Variants in CFAP20DC observed in about 807,000 individuals in gnomAD.
CFAP20DC encodes CFAP20 domain containing, also known as protein CFAP20DC.
In CFAP20DC, 84 loss-of-function variants were observed where a neutral mutation model predicts 101.7. The ratio of observed to expected loss-of-function variants is 0.83; its 90% confidence interval spans 0.69 to 0.99. CFAP20DC has a LOEUF of 0.99. CFAP20DC is among the 50% of genes least tolerant of loss of function. The pLI, the probability that CFAP20DC is intolerant of heterozygous loss-of-function variation, is 0.00. For synonymous variants in CFAP20DC, 359 were observed against 351.2 expected (o/e 1.02, Z -0.25); for missense variants, 1,007 against 970.3 (o/e 1.04, Z -0.50).
chr3:58,778,430 G>A (rs1189488783), intron 15 of CFAP20DC, among the ~76,000 whole-genome samples: 1 of 152,142 alleles, frequency 6.6e-6, no homozygotes, highest in Non-Finnish European at 1.5e-5. Context: ...ACAACAGCTG[G>A]CACCCACCTG....
At chr3:59,023,706 G>T (rs2093844253) in intron 4 of CFAP20DC, among the ~76,000 whole-genome samples, 1 of 152,070 alleles carries the variant, frequency 6.6e-6, no homozygotes, top group Admixed American at 6.6e-5. Flanking sequence ...CTTGGGCTAA[G>T]ACCAATATCT....
intron 6 of CFAP20DC, among the ~76,000 whole-genome samples, chr3:58,898,470 T>C (rs2082860796): frequency 6.6e-6 from 1 of 152,236 alleles, no homozygotes; most frequent in Non-Finnish European, 1.5e-5. Flanking sequence ...CCACTGTAAC[T>C]GGCCTGCTAT....
chr3:58,776,121 CT>C (rs2071317453), intron 15 of CFAP20DC, among the ~76,000 whole-genome samples: 1 of 152,122 alleles, frequency 6.6e-6, no homozygotes, highest in African/African-American at 2.4e-5. Context: ...CTAAGCCTCC[CT>C]TAACTCCCAA....
chr3:59,040,153 T>A (rs553460601), intron 3 of CFAP20DC, among the ~76,000 whole-genome samples: 42 of 152,210 alleles, frequency 2.8e-4, no homozygotes, highest in African/African-American at 9.9e-4. Flanking sequence ...GTGTCCACAA[T>A]GAGATGAATA....
chr3:58,996,897 G>A (rs1292273243), intron 4 of CFAP20DC, among the ~76,000 whole-genome samples: 4 of 152,318 alleles, frequency 2.6e-5, no homozygotes, highest in South Asian at 2.1e-4. Context: ...AGCGCACACC[G>A]GGGTGGAGCC....
chr3:58,957,987 T>C (rs77152394), intron 4 of CFAP20DC, among the ~76,000 whole-genome samples: 1 of 152,278 alleles, frequency 6.6e-6, no homozygotes, highest in East Asian at 1.9e-4. Context: ...ATTTAAAAAC[T>C]AAAAGTATAA....
intron 15 of CFAP20DC, among the ~76,000 whole-genome samples, chr3:58,777,946 A>T (rs1575613846): frequency 6.6e-6 from 1 of 152,110 alleles, no homozygotes; most frequent in Non-Finnish European, 1.5e-5. Flanking sequence ...CCCTCACTAA[A>T]CTGTGTCCTA....
At chr3:59,005,887 T>C (rs998850054) in intron 4 of CFAP20DC, among the ~76,000 whole-genome samples, 1 of 152,182 alleles carries the variant, frequency 6.6e-6, no homozygotes, top group Non-Finnish European at 1.5e-5. Flanking sequence ...TTACAAAATA[T>C]CCTAGATACA....
intron 4 of CFAP20DC, among the ~76,000 whole-genome samples, chr3:59,038,205 A>G (rs191289286): frequency 2.2e-4 from 34 of 152,212 alleles, no homozygotes; most frequent in African/African-American, 8.2e-4. Flanking sequence ...GGGTGCAGCG[A>G]ACCACCATGG....
intron 3 of CFAP20DC, among the ~76,000 whole-genome samples, chr3:59,042,718 T>C (rs867979008): frequency 5.9e-5 from 9 of 152,274 alleles, no homozygotes; most frequent in Middle Eastern, 6.8e-3. Context: ...GGCTGCTAAT[T>C]TGACAATAGA....
At chr3:58,750,125 C>T (rs909514549) in intron 16 of CFAP20DC, among the ~76,000 whole-genome samples, 3 of 152,142 alleles carry the variant, frequency 2.0e-5, no homozygotes, top group Non-Finnish European at 2.9e-5. Context: ...TCTGGCTGAG[C>T]AGAAACTGGC....
chr3:58,961,060 A>G lies in CFAP20DC; in HGVS notation c.279-23298T>C, dbSNP rs375818664. ...ATACTACGTTAATTAATTTTTGGAT[A>G]TAGACCCAACCTTTCATTACTGGGA... On this transcript the variant is annotated intron_variant, in intron 4 of 16. Transcript: ENST00000482387. 6.6e-5 allele frequency among the ~76,000 whole-genome samples: 10 copies of G among 152,358 alleles called. No individual in the cohort carries two copies. The East Asian group carries it at 1.9e-3, about 29-fold the overall frequency.
chr3:59,011,859 A>T (rs1252073956), intron 4 of CFAP20DC, among the ~76,000 whole-genome samples: 1 of 152,222 alleles, frequency 6.6e-6, no homozygotes, highest in Non-Finnish European at 1.5e-5. Context: ...CATCACCAGC[A>T]GCATTTCTTT....
chr3:58,834,365 G>T (rs987884490), intron 13 of CFAP20DC, among the ~76,000 whole-genome samples: 1 of 152,006 alleles, frequency 6.6e-6, no homozygotes, highest in Non-Finnish European at 1.5e-5. Context: ...TATGTTAGTT[G>T]GCTCATCATT....
rs887695512 is a variant in CFAP20DC at position 58,867,878 on chromosome 3, A to G, written c.1074T>C (p.Asn358=). ...TTAACCGTAATCTTCTTCTGTTATT[A>G]TTCTTATCTGCTGATGGTTCTTGAG... ...HPPQEPSADK[N]NNRRRLRLKS... is the part of the protein sequence containing the mutation. The change falls in exon 10 of 17, where the codon AAT becomes AAC. Residue 358 remains asparagine (N), a synonymous_variant. Transcript: ENST00000482387. 1 of 1,613,610 alleles carries G rather than the reference A, an allele frequency of 6.2e-7. No individual in the cohort carries two copies. The highest frequency in any genetic ancestry group is 2.2e-5 in the East Asian group (1 of 44,850).
At chr3:58,808,513 C>T (rs1396817888) in intron 14 of CFAP20DC, among the ~76,000 whole-genome samples, 2 of 152,158 alleles carry the variant, frequency 1.3e-5, no homozygotes, top group Non-Finnish European at 2.9e-5. Context: ...CAAGCAAATG[C>T]TGAGACATTT....
chr3:58,881,588 G>C (rs1410768430), intron 7 of CFAP20DC, among the ~76,000 whole-genome samples: 3 of 152,138 alleles, frequency 2.0e-5, no homozygotes, highest in Non-Finnish European at 1.5e-5. Flanking sequence ...ATAGTTACAA[G>C]TTTTAAGGTT....
At chr3:59,016,017 G>A (rs1022384002) in intron 4 of CFAP20DC, among the ~76,000 whole-genome samples, 1 of 152,064 alleles carries the variant, frequency 6.6e-6, no homozygotes, top group Non-Finnish European at 1.5e-5. Context: ...GTGGGTTTTT[G>A]GGAATTCCCT....
In CFAP20DC at chr3:58,899,763, A is replaced by G. The variant is rs1407480198; in HGVS notation, c.550+13945T>C. On this transcript the variant is annotated intron_variant, in intron 6 of 16. Coordinates refer to ENST00000482387, the MANE Select transcript of CFAP20DC (RefSeq NM_001394063.1). The surrounding 1 kb of genome is among the most constrained non-coding windows in gnomAD (Gnocchi z 5.0). Reference sequence around the variant, plus strand: ...TCATGCCACTCCCGGATGGGCCATCACCCCACCCTGCTTTTTTTCCATTCT... The same window carrying G: ...TCATGCCACTCCCGGATGGGCCATCGCCCCACCCTGCTTTTTTTCCATTCT... 6.6e-6 allele frequency among the ~76,000 whole-genome samples: 1 copy of G among 151,766 alleles called. No individual in the cohort carries two copies. Among genetic ancestry groups the G allele is most frequent in the Non-Finnish European group, 1.5e-5 (1 of 67,940 alleles).
Sources: allele counts gnomAD v4.1 joint callset (sites outside exome capture counted in the v4.1 genomes callset), GRCh38; gene constraint gnomAD v4.1.1; non-coding constraint Gnocchi (gnomAD v3.1); transcripts MANE v1.5; gene names NCBI Gene and HGNC (gene_info 2026-07-23, HGNC 2026-07-21).